The following MON1B variants were observed in gnomAD, a reference collection of about 807,000 sequenced individuals.
MON1B encodes MON1 vesicular trafficking associated B.
MON1B carries 26 observed loss-of-function variants against 45.1 expected under a neutral mutation model. The observed-to-expected ratio is 0.58, with a 90% CI of 0.42 to 0.80. The LOEUF is 0.80. MON1B is among the 30% of genes least tolerant of loss of function. The pLI is 0.00. For missense variants in MON1B, 737 were observed against 754.5 expected, an observed-to-expected ratio of 0.98 and a Z score of 0.27; for synonymous variants, 395 against 320.2, an observed-to-expected ratio of 1.23 and a Z score of -2.49.
chr16:77,199,584 A>G lies in MON1B; in HGVS notation c.*1276A>G. ...GAAAGGAGGGAGGATTCGTCCCATT[A>G]CAATAATGAAATAATGATATTCTAA... On this transcript the variant is annotated 3_prime_UTR_variant, in exon 6 of 6. Transcript: ENST00000248248. 2 of 1,163,584 alleles carry G rather than the reference A, an allele frequency of 1.7e-6. No individual in the cohort carries two copies. The highest frequency in any genetic ancestry group is 2.4e-6 in the Non-Finnish European group (2 of 819,372). The allele number at this position is 1,163,584 out of a possible 1,614,324, so 72.1% of individuals were successfully genotyped here.
rs1280908141 is a variant in MON1B, at chr16:77,191,204, C to A, written c.-65C>A. The A allele has an allele frequency of 2.6e-6, 4 of 1,536,084 alleles. No individual in the cohort carries two copies. The highest frequency in any genetic ancestry group is 3.5e-6 in the Non-Finnish European group (4 of 1,146,870). On this transcript the variant is annotated 5_prime_UTR_variant, in exon 1 of 6. Coordinates refer to ENST00000248248, the MANE Select transcript of MON1B (RefSeq NM_014940.4). The stretch of plus-strand genomic sequence containing the variant: ...GCCGCACCCGGAAGTGTGATGCCAC[C>A]GCCGCTACGGGGAAGTAATGGTATC...
Position 77,199,544 on chromosome 16 carries a change from T to A in MON1B, c.*1236T>A, listed in dbSNP as rs1416916040. 1.5e-5 allele frequency: 22 copies of A among 1,511,376 alleles called. No individual in the cohort carries two copies. The highest frequency in any genetic ancestry group is 1.8e-5 in the Non-Finnish European group (20 of 1,111,468). 93.6% of individuals were successfully genotyped at this position (1,511,376 alleles called of 1,614,324 possible). On this transcript the variant is annotated 3_prime_UTR_variant, in exon 6 of 6. Transcript: ENST00000248248. ...AGGGCAAGTGGGCTGCACTCCTTTC[T>A]CTCCAACCAGGGCAGAAAGGAGGGA...
At chr16:77,196,712 G>A (rs560805039) in intron 5 of MON1B, among the ~76,000 whole-genome samples, 2 of 152,268 alleles carry the variant, frequency 1.3e-5, no homozygotes, top group African/African-American at 4.8e-5. Context: ...GGAGGTGGAG[G>A]TTGCCGTGAG....
intron 5 of MON1B, among the ~76,000 whole-genome samples, 164 bp from the exon 6 acceptor site, chr16:77,197,944 C>T (rs1477334397): frequency 6.6e-6 from 1 of 152,130 alleles, no homozygotes; most frequent in Non-Finnish European, 1.5e-5. Flanking sequence ...TGCACAATAT[C>T]AGCTTACCTA....
chr16:77,194,877 G>T lies in MON1B; in HGVS notation c.1018G>T (p.Val340Leu). Reference sequence around the variant, plus strand: ...CCCTGATGGTTTTTTCTACGCCTACGTGGCCCGCCTGGATGCTATGCCTGT... The same window carrying T: ...CCCTGATGGTTTTTTCTACGCCTACTTGGCCCGCCTGGATGCTATGCCTGT... ...FNPDGFFYAY[V>L]ARLDAMPVCL... is the part of the protein sequence containing the mutation. Residue 340 changes from valine (V) to leucine (L), a missense_variant, in exon 4 of 6, where the codon GTG (valine) becomes TTG (leucine). By Grantham distance (32) the Val-to-Leu change is conservative. Coordinates refer to ENST00000248248, the MANE Select transcript of MON1B (RefSeq NM_014940.4). This position sits in a 1 kb window ranked among gnomAD's most constrained non-coding sequence, Gnocchi z 8.1. The T allele has an allele frequency of 6.2e-7, 1 of 1,612,120 alleles. No homozygotes were observed.
Position 77,193,455 on chromosome 16 carries a change from C to G in MON1B, c.153C>G (p.Ser51=). Residue 51 remains serine (S), a synonymous_variant, in exon 3 of 6, where the codon TCC becomes TCG. Coordinates refer to ENST00000248248, the MANE Select transcript of MON1B (RefSeq NM_014940.4). The surrounding 1 kb of genome is among the most constrained non-coding windows in gnomAD (Gnocchi z 5.0). The part of the protein sequence containing the change: ...PEDEGLEETG[S]KDKDQPPSPS... ...CCACCAGGGGCTCCCTTTCAGGATC[C>G]AAGGACAAGGACCAGCCACCCAGCC... is the stretch of plus-strand genomic sequence containing the variant. 6.5e-7 allele frequency: 1 copy of G among 1,547,856 alleles called. No individual in the cohort carries two copies. Among genetic ancestry groups the G allele is most frequent in the Non-Finnish European group, 8.7e-7 (1 of 1,146,288 alleles).
In MON1B at chr16:77,194,882, C is replaced by T. The variant is rs1208080003; in HGVS notation, c.1023C>T (p.Ala341=). Residue 341 remains alanine (A), a synonymous_variant, in exon 4 of 6, where the codon GCC becomes GCT. Coordinates refer to ENST00000248248, the MANE Select transcript of MON1B (RefSeq NM_014940.4). This position sits in a 1 kb window ranked among gnomAD's most constrained non-coding sequence, Gnocchi z 8.1. ...NPDGFFYAYV[A]RLDAMPVCLL... is the part of the protein sequence containing the mutation. ...ATGGTTTTTTCTACGCCTACGTGGC[C>T]CGCCTGGATGCTATGCCTGTCTGCC... is the stretch of plus-strand genomic sequence containing the variant. 1.2e-6 allele frequency: 2 copies of T among 1,612,482 alleles called. No homozygotes were observed. Among genetic ancestry groups the T allele is most frequent in the Admixed American group, 1.7e-5 (1 of 60,024 alleles).
Position 77,202,137 on chromosome 16 carries a change from G to A in MON1B, c.*3829G>A, listed in dbSNP as rs891763930. The A allele has an allele frequency of 2.6e-5, 4 of 152,164 alleles. No individual in the cohort carries two copies. The highest frequency in any genetic ancestry group is 1.3e-4 in the Admixed American group (2 of 15,278). 9.4% of individuals were successfully genotyped at this position (152,164 alleles called of 1,614,324 possible). A position where few individuals can be genotyped will look rare whatever the true frequency, so the allele number is the denominator to read the frequency against. The stretch of plus-strand genomic sequence containing the variant: ...AGAGGCAAAATGTTGAATGGCACCT[G>A]AGGATCCTATATTCATATTGGATCA... On this transcript the variant is annotated 3_prime_UTR_variant, in exon 6 of 6. Transcript: ENST00000248248.
intron 1 of MON1B, 80 bp from the exon 2 acceptor site, chr16:77,191,396 G>A (rs2054613105): frequency 1.3e-6 from 2 of 1,582,216 alleles, no homozygotes; most frequent in South Asian, 2.3e-5. Flanking sequence ...GTAGGAGTGT[G>A]TCCAAGGGGG....
At position 77,195,026 on chromosome 16, in the gene MON1B, C is replaced by A. The variant is rs776648131; in HGVS notation, c.1167C>A (p.Phe389Leu). Reference protein sequence around the residue: ...AMRALGEAASFSNASSASAPA... With the variant: ...AMRALGEAASLSNASSASAPA... ...GTGCCCTTGGGGAGGCTGCCAGCTT[C>A]TCTAATGCCTCATCAGCCAGTGCTC... The change falls in exon 4 of 6, where the codon TTC (phenylalanine) becomes TTA (leucine). Residue 389 changes from phenylalanine (F) to leucine (L), a missense_variant. By Grantham distance (22) the Phe-to-Leu change is conservative. Coordinates refer to ENST00000248248, the MANE Select transcript of MON1B (RefSeq NM_014940.4). 1 of 1,612,632 alleles carries A rather than the reference C, an allele frequency of 6.2e-7. No homozygotes were observed. Among genetic ancestry groups the A allele is most frequent in the South Asian group, 1.1e-5 (1 of 91,076 alleles).
In MON1B at chr16:77,198,346, C is replaced by T. The variant is rs1039020831; in HGVS notation, c.*38C>T. The T allele has an allele frequency of 6.3e-7, 1 of 1,588,282 alleles. No homozygotes were observed. The highest frequency in any genetic ancestry group is 8.6e-7 in the Non-Finnish European group (1 of 1,156,826). ...CCAGACCAGGCAGTGCTGGGAGCAA[C>T]CACCTTTGTTTTTTACCTTCTGTCT... On this transcript the variant is annotated 3_prime_UTR_variant, in exon 6 of 6. Transcript: ENST00000248248.
intron 5 of MON1B, among the ~76,000 whole-genome samples, chr16:77,197,846 C>G (rs1390006268): frequency 6.6e-6 from 1 of 152,134 alleles, no homozygotes; most frequent in Admixed American, 6.5e-5. Flanking sequence ...TACTGTTTTC[C>G]CCAGTTCCCA....
chr16:77,196,150 C>T lies in MON1B; in HGVS notation c.1443+468C>T, dbSNP rs186026016. Among the ~76,000 whole-genome samples the T allele has an allele frequency of 5.3e-5, 8 of 152,246 alleles. No homozygotes were observed. The East Asian group carries it at 1.4e-3, about 26-fold the overall frequency. ...TCCTCTGGGCTCCAGCCCTCACTTC[C>T]TATGGGTTTGCTAAAGGTCAGCTAC... is the stretch of plus-strand genomic sequence containing the variant. On this transcript the variant is annotated intron_variant, in intron 5 of 5. Coordinates refer to ENST00000248248, the MANE Select transcript of MON1B (RefSeq NM_014940.4).
At position 77,193,919 on chromosome 16, in the gene MON1B, G is replaced by A; in HGVS notation, c.475+142G>A. On this transcript the variant is annotated intron_variant, in intron 3 of 5. Transcript: ENST00000248248. The surrounding 1 kb of genome is among the most constrained non-coding windows in gnomAD (Gnocchi z 5.0). Reference sequence around the variant, plus strand: ...GATGGTCAGCCAGAGCTCTGTCAGTGGCGGGAGGTGGGGGGGTTCATCTCT... The same window carrying A: ...GATGGTCAGCCAGAGCTCTGTCAGTAGCGGGAGGTGGGGGGGTTCATCTCT... 2 of 836,322 alleles carry A rather than the reference G, an allele frequency of 2.4e-6. No homozygotes were observed. The highest frequency in any genetic ancestry group is 1.8e-5 in the South Asian group (1 of 55,752). The allele number at this position is 836,322 out of a possible 1,614,324, so 51.8% of individuals were successfully genotyped here. A position where few individuals can be genotyped will look rare whatever the true frequency, so the allele number is the denominator to read the frequency against.
At chr16:77,191,844 G>A (rs1011557406) in intron 2 of MON1B, among the ~76,000 whole-genome samples, 3 of 152,140 alleles carry the variant, frequency 2.0e-5, no homozygotes, top group Non-Finnish European at 4.4e-5. Context: ...TTCACTGGGG[G>A]TTTGGTGTGA....
rs2054636745 is a variant in MON1B, at chr16:77,193,786, A to AC, written c.475+10dup. ...CCGTGCCATCTACGCTGGTGAGCAA[A>AC]CAGGTGGGAGGCAGAATGGGGGACA... is the stretch of plus-strand genomic sequence containing the variant. On this transcript the variant is annotated intron_variant, in intron 3 of 5. Coordinates refer to ENST00000248248, the MANE Select transcript of MON1B (RefSeq NM_014940.4). This position sits in a 1 kb window ranked among gnomAD's most constrained non-coding sequence, Gnocchi z 5.0. 1 of 1,601,590 alleles carries AC rather than the reference A, an allele frequency of 6.2e-7. No homozygotes were observed. Among genetic ancestry groups the AC allele is most frequent in the African/African-American group, 1.3e-5 (1 of 74,746 alleles).
intron 2 of MON1B, among the ~76,000 whole-genome samples, chr16:77,192,789 G>A (rs1035576454): frequency 6.6e-6 from 1 of 152,108 alleles, no homozygotes; most frequent in Non-Finnish European, 1.5e-5. Flanking sequence ...GATTGTTAAT[G>A]TGGGGTCATT....
Position 77,193,897 on chromosome 16 carries a change from G to T in MON1B, c.475+120G>T. The T allele has an allele frequency of 5.8e-6, 6 of 1,042,740 alleles. No individual in the cohort carries two copies. Among genetic ancestry groups the T allele is most frequent in the Non-Finnish European group, 8.2e-6 (6 of 732,174 alleles). 64.6% of individuals were successfully genotyped at this position (1,042,740 alleles called of 1,614,324 possible). ...CAGGGTTGGGTCCATGTGTGTGGAT[G>T]GTCAGCCAGAGCTCTGTCAGTGGCG... On this transcript the variant is annotated intron_variant, in intron 3 of 5. Transcript: ENST00000248248. The surrounding 1 kb of genome is among the most constrained non-coding windows in gnomAD (Gnocchi z 5.0).
rs772891537 is a variant in MON1B at position 77,198,268 on chromosome 16, C to T, written c.1604C>T (p.Thr535Met). The T allele has an allele frequency of 2.2e-5, 35 of 1,614,088 alleles. No individual in the cohort carries two copies. Among genetic ancestry groups the T allele is most frequent in the African/African-American group, 4.0e-5 (3 of 74,942 alleles). The change falls in exon 6 of 6, where the codon ACG becomes ATG. Residue 535 changes from threonine to methionine, a missense_variant. Thr to Met is a moderately conservative substitution (Grantham distance 81). Coordinates refer to ENST00000248248, the MANE Select transcript of MON1B (RefSeq NM_014940.4). ...TACTCCACACCACCAGCCACCTCTA[C>T]GGACCAAGCTGCCCATAATGGCTTG... ...PKYSTPPATSTDQAAHNGLFT... is the reference protein window; with the variant it reads ...PKYSTPPATSMDQAAHNGLFT...
Sources: gnomAD v4.1 joint callset for allele counts (sites outside exome capture counted in the v4.1 genomes callset) on GRCh38, gnomAD v4.1.1 for gene constraint, Gnocchi (gnomAD v3.1) non-coding constraint, MANE v1.5 for transcripts, NCBI Gene and HGNC (gene_info 2026-07-23, HGNC 2026-07-21) for gene names.